Variants in ZMYM2 observed in about 807,000 individuals in gnomAD.
ZMYM2 encodes the protein zinc finger MYM-type containing 2, also known as zinc finger MYM-type protein 2.
Under a neutral mutation model 162.8 loss-of-function variants are expected in ZMYM2, and 56 were observed. The ratio of observed to expected loss-of-function variants is 0.34; its 90% CI spans 0.28 to 0.43. The LOEUF (loss-of-function observed/expected upper bound fraction) is 0.43. Among genes scored for constraint, ZMYM2 ranks in the 20% least tolerant of loss-of-function variants. The pLI, the probability that ZMYM2 is intolerant of heterozygous loss-of-function variation, is 1.00. For synonymous variants in ZMYM2, 510 were observed against 541.6 expected (o/e 0.94, Z 0.81); for missense variants, 1,275 against 1,621.8 (o/e 0.79, Z 3.67).
At chr13:20,075,941 C>T (rs1446900302) in intron 21 of ZMYM2, among the ~76,000 whole-genome samples, 1 of 151,982 alleles carries the variant, frequency 6.6e-6, no homozygotes, top group Non-Finnish European at 1.5e-5. Flanking sequence ...GGTGATCCCC[C>T]CACCTCAGCC....
At chr13:19,865,005 C>T in the ZMYM2 span, 3 of 152,266 alleles carry the variant, frequency 2.0e-5, no homozygotes, top group African/African-American at 7.2e-5. Context: ...TGGTGAAATA[C>T]TTACCTTATG....
chr13:19,880,432 T>A, the ZMYM2 span, among the ~76,000 whole-genome samples: 1,742 of 152,188 alleles, frequency 0.011, 36 homozygotes, highest in African/African-American at 0.038. Context: ...GTAACTGAAT[T>A]TTTTTTCTTT....
At chr13:20,034,110 G>A in intron 10 of ZMYM2, 144 bp from the exon 11 acceptor site, 1 of 668,410 alleles carries the variant, frequency 1.5e-6, no homozygotes, top group Non-Finnish European at 2.1e-6. Flanking sequence ...GGTTAAACTA[G>A]GCATCCATGG....
the ZMYM2 span, among the ~76,000 whole-genome samples, chr13:19,898,756 T>G: frequency 6.7e-6 from 1 of 148,722 alleles, no homozygotes; most frequent in Non-Finnish European, 1.5e-5. Context: ...CAAGACCCTG[T>G]CTCTACAAAA....
At chr13:20,014,976 G>A (rs1394695363) in intron 6 of ZMYM2, among the ~76,000 whole-genome samples, 1 of 151,912 alleles carries the variant, frequency 6.6e-6, no homozygotes, top group Admixed American at 6.6e-5. Flanking sequence ...TGTTAGACTG[G>A]TCTTGAACTC....
chr13:20,014,508 A>G (rs1378765738), intron 6 of ZMYM2, among the ~76,000 whole-genome samples: 3 of 152,076 alleles, frequency 2.0e-5, no homozygotes, highest in Admixed American at 6.6e-5. Context: ...TTAATGTACT[A>G]TTGTTCATAG....
chr13:19,975,576 G>A (rs1337670327), intron 2 of ZMYM2, among the ~76,000 whole-genome samples: 1 of 152,168 alleles, frequency 6.6e-6, no homozygotes, highest in Non-Finnish European at 1.5e-5. Context: ...CACTCTGTTG[G>A]ACACTTAGGT....
chr13:19,952,351 A>G, the ZMYM2 span, among the ~76,000 whole-genome samples: 1 of 152,144 alleles, frequency 6.6e-6, no homozygotes, highest in Non-Finnish European at 1.5e-5. Flanking sequence ...TTTAAAATCA[A>G]TAACAGTATA....
At chr13:20,037,950 C>T (rs1467723350) in intron 12 of ZMYM2, among the ~76,000 whole-genome samples, 1 of 152,076 alleles carries the variant, frequency 6.6e-6, no homozygotes, top group Non-Finnish European at 1.5e-5. Context: ...CTCCTCCCAC[C>T]CTCCACTCTT....
At chr13:19,932,901 A>G in the ZMYM2 span, among the ~76,000 whole-genome samples, 5 of 152,064 alleles carry the variant, frequency 3.3e-5, no homozygotes, top group Non-Finnish European at 7.4e-5. Context: ...TTTGTTTTTC[A>G]TGGCAGTCTG....
intron 2 of ZMYM2, 100 bp from the exon 3 acceptor site, chr13:19,992,963 T>G (rs1949743130): frequency 7.7e-7 from 1 of 1,300,956 alleles, no homozygotes; most frequent in Non-Finnish European, 1.0e-6. Flanking sequence ...TCATTTAGAA[T>G]AAAAATAAAA....
At chr13:20,020,784 G>A (rs1355842685) in intron 7 of ZMYM2, among the ~76,000 whole-genome samples, 1 of 151,410 alleles carries the variant, frequency 6.6e-6, no homozygotes, top group Non-Finnish European at 1.5e-5. Flanking sequence ...CTTTAAGTTT[G>A]CTGATCTTTT....
At chr13:19,971,260 A>AT (rs1956302973) in intron 2 of ZMYM2, among the ~76,000 whole-genome samples, 2 of 103,076 alleles carry the variant, frequency 1.9e-5, no homozygotes, top group East Asian at 5.1e-4. Context: ...ATATATATAT[A>AT]TATTTTTTTT....
chr13:19,914,545 T>C, the ZMYM2 span, among the ~76,000 whole-genome samples: 2 of 152,230 alleles, frequency 1.3e-5, no homozygotes, highest in African/African-American at 2.4e-5. Context: ...ACTACCTGAA[T>C]GGATTCCTTT....
chr13:20,072,403 C>A (rs1957153859), intron 21 of ZMYM2, among the ~76,000 whole-genome samples: 1 of 152,146 alleles, frequency 6.6e-6, no homozygotes, highest in Admixed American at 6.5e-5. Context: ...CACCTGTAGT[C>A]CCAGCTACTT....
chr13:19,977,112 G>C (rs552555915), intron 2 of ZMYM2, among the ~76,000 whole-genome samples: 2 of 152,154 alleles, frequency 1.3e-5, no homozygotes, highest in African/African-American at 4.8e-5. Context: ...GTTAATATTT[G>C]CATATATTAG....
chr13:19,891,382 A>G, the ZMYM2 span, among the ~76,000 whole-genome samples: 16 of 151,318 alleles, frequency 1.1e-4, no homozygotes, highest in Non-Finnish European at 2.2e-4. Flanking sequence ...CTATGAGAAA[A>G]CGAATTTCTA....
the ZMYM2 span, among the ~76,000 whole-genome samples, chr13:19,867,712 G>A: frequency 2.0e-5 from 3 of 151,868 alleles, no homozygotes; most frequent in South Asian, 6.2e-4. Context: ...TGCAACCTCC[G>A]CCTCCCGGGT....
rs59855358 is a variant in ZMYM2 at position 20,074,196 on chromosome 13, TTGTGTGTGTGTG to T, written c.3453+6837_3453+6848del. ...TGTGTTGTGTAGCATATGTCAGAATTTGTGTGTGTGTGTGTGTGTGTGTGTGTGTGTGTGTGT... is the reference window on the plus strand; with the variant it reads ...TGTGTTGTGTAGCATATGTCAGAATTTGTGTGTGTGTGTGTGTGTGTGTGT... On this transcript the variant is annotated intron_variant, in intron 21 of 24. Coordinates refer to ENST00000610343, the MANE Select transcript of ZMYM2 (RefSeq NM_197968.4). 3.8e-3 allele frequency among the ~76,000 whole-genome samples: 532 copies of T among 141,604 alleles called. 1 individual carries two copies. The highest frequency in any genetic ancestry group is 5.9e-3 in the Non-Finnish European group (384 of 65,172). The allele number at this position is 141,604 out of a possible 152,430, so 92.9% of individuals were successfully genotyped here. A position where few individuals can be genotyped will look rare whatever the true frequency, so the allele number is the denominator to read the frequency against.
Sources: gnomAD v4.1 joint callset for allele counts (sites outside exome capture counted in the v4.1 genomes callset) on GRCh38, gnomAD v4.1.1 for gene constraint, MANE v1.5 for transcripts, NCBI Gene and HGNC (gene_info 2026-07-23, HGNC 2026-07-21) for gene names.